FRMD6: variants seen among roughly 807,000 people sequenced by gnomAD.
FRMD6 encodes the protein FERM domain containing 6.
In FRMD6, 37 loss-of-function variants were observed where a neutral mutation model predicts 73.2. The observed-to-expected ratio is 0.51, with a 90% CI of 0.39 to 0.66. The LOEUF (loss-of-function observed/expected upper bound fraction) is 0.66. Ranked by LOEUF, FRMD6 falls within the 30% of genes least tolerant of loss-of-function variation. The pLI, the probability that FRMD6 is intolerant of heterozygous loss-of-function variation, is 0.00. For missense variants in FRMD6, 714 were observed against 780.5 expected (o/e 0.91, Z 1.02); for synonymous variants, 273 against 282.2 (o/e 0.97, Z 0.33).
At chr14:51,436,376 A>G in the FRMD6 span, 1 of 434,916 alleles carries the variant, frequency 2.3e-6, no homozygotes, top group Non-Finnish European at 4.4e-6. Context: ...AGGAGGACGA[A>G]GAGGCAGTGC....
intron 1 of FRMD6, among the ~76,000 whole-genome samples, chr14:51,657,215 C>CT (rs893468395): frequency 1.8e-4 from 27 of 148,922 alleles, no homozygotes; most frequent in East Asian, 5.9e-4. Flanking sequence ...CAGTAGATGA[C>CT]TTTTTTTTTT....
chr14:51,548,310 C>G (rs974904081), intron 1 of FRMD6, among the ~76,000 whole-genome samples: 1 of 152,164 alleles, frequency 6.6e-6, no homozygotes, highest in Non-Finnish European at 1.5e-5. Flanking sequence ...GCATTTGTCC[C>G]CACTTTCTTC....
chr14:51,661,008 G>A (rs181697675), intron 1 of FRMD6, among the ~76,000 whole-genome samples: 41 of 152,312 alleles, frequency 2.7e-4, no homozygotes, highest in African/African-American at 8.7e-4. Context: ...GGTTAGAGAT[G>A]TTTGGAGAGC....
At chr14:51,529,106 A>G (rs1171395061) in intron 1 of FRMD6, among the ~76,000 whole-genome samples, 2 of 152,242 alleles carry the variant, frequency 1.3e-5, no homozygotes, top group Non-Finnish European at 2.9e-5. Flanking sequence ...ACAGCCCTGC[A>G]GACCTAGAAA....
chr14:51,432,672 C>A, the FRMD6 span, among the ~76,000 whole-genome samples: 2 of 152,136 alleles, frequency 1.3e-5, no homozygotes, highest in Non-Finnish European at 2.9e-5. Context: ...TAAAAATAAC[C>A]GTAACCCTGA....
chr14:51,721,910 C>T (rs1246384015), intron 11 of FRMD6, 39 bp from the exon 12 acceptor site: 14 of 1,610,266 alleles, frequency 8.7e-6, no homozygotes, highest in Non-Finnish European at 1.2e-5. Context: ...GGTCATTTCC[C>T]TTTTTGTCAT....
chr14:51,557,056 G>T (rs571302121), intron 1 of FRMD6, among the ~76,000 whole-genome samples: 2 of 152,088 alleles, frequency 1.3e-5, no homozygotes, highest in Non-Finnish European at 2.9e-5. Flanking sequence ...GAGGCTGAGC[G>T]GGGAGGATTG....
the FRMD6 span, among the ~76,000 whole-genome samples, chr14:51,483,891 C>T: frequency 6.5e-3 from 990 of 152,138 alleles, 5 homozygotes; most frequent in African/African-American, 0.022. Context: ...GGTAATTATT[C>T]GTCATATCTA....
At chr14:51,422,989 C>T in the FRMD6 span, among the ~76,000 whole-genome samples, 2 of 152,192 alleles carry the variant, frequency 1.3e-5, no homozygotes, top group Non-Finnish European at 2.9e-5. Context: ...GTATGCTATT[C>T]GCATCTTTCC....
intron 1 of FRMD6, among the ~76,000 whole-genome samples, chr14:51,502,256 G>A (rs560420879): frequency 5.2e-4 from 79 of 152,218 alleles, no homozygotes; most frequent in South Asian, 4.1e-4. Flanking sequence ...TGGCATTTTC[G>A]TCATGAAATC....
chr14:51,414,068 GGTAGAATGCAAAAATTTTCTCCCATTCT>G, the FRMD6 span, among the ~76,000 whole-genome samples: 124 of 152,146 alleles, frequency 8.2e-4, no homozygotes, highest in South Asian at 1.9e-3. Context: ...TTGTCAGATG[GGTAGAATGCAAAAATTTTCTCCCATTCT>G]GTAGGTTGCC....
intron 1 of FRMD6, among the ~76,000 whole-genome samples, chr14:51,525,080 TAGATAGATA>T (rs1338166586): frequency 1.8e-3 from 83 of 44,936 alleles, no homozygotes; most frequent in Middle Eastern, 0.012. Flanking sequence ...AATAGATAGA[TAGATAGATA>T]GATAGATAGA....
intron 1 of FRMD6, among the ~76,000 whole-genome samples, chr14:51,555,518 A>G (rs1887078120): frequency 3.3e-5 from 5 of 152,176 alleles, no homozygotes; most frequent in Non-Finnish European, 7.3e-5. Context: ...AAGGCACCCC[A>G]TAGGTCAGGC....
At chr14:51,586,562 G>A (rs1205139779) in intron 2 of FRMD6, among the ~76,000 whole-genome samples, 1 of 152,032 alleles carries the variant, frequency 6.6e-6, no homozygotes, top group African/African-American at 2.4e-5. Context: ...TTGCTGTGCA[G>A]AAGCCTTTTA....
At chr14:51,656,658 C>T (rs899518061) in intron 1 of FRMD6, among the ~76,000 whole-genome samples, 7 of 152,120 alleles carry the variant, frequency 4.6e-5, no homozygotes, top group Admixed American at 2.6e-4. Context: ...GTGATCTGCC[C>T]GCCTCGGCCT....
chr14:51,500,168 T>TA (rs981337583), intron 1 of FRMD6, among the ~76,000 whole-genome samples: 43 of 152,332 alleles, frequency 2.8e-4, no homozygotes, highest in African/African-American at 1.0e-3. Flanking sequence ...TTTTGGCAGT[T>TA]ACATATTTTG....
At chr14:51,686,398 A>G (rs1361282655) in intron 1 of FRMD6, among the ~76,000 whole-genome samples, 1 of 152,154 alleles carries the variant, frequency 6.6e-6, no homozygotes, top group African/African-American at 2.4e-5. Flanking sequence ...AAAAATGACA[A>G]TCAGTATTGA....
chr14:51,640,704 G>T (rs1891771914), intron 2 of FRMD6, among the ~76,000 whole-genome samples: 1 of 152,060 alleles, frequency 6.6e-6, no homozygotes. Context: ...TAAGAAAATG[G>T]CTTTAATCCA....
intron 12 of FRMD6, among the ~76,000 whole-genome samples, chr14:51,723,618 T>A (rs1424416585): frequency 6.7e-5 from 10 of 150,218 alleles, no homozygotes; most frequent in African/African-American, 2.2e-4. Context: ...CCATCTCTAC[T>A]AAAATGCAAA....
Sources: allele counts gnomAD v4.1 joint callset (sites outside exome capture counted in the v4.1 genomes callset), GRCh38; gene constraint gnomAD v4.1.1; transcripts MANE v1.5; gene names NCBI Gene and HGNC (gene_info 2026-07-23, HGNC 2026-07-21).